P2RX4: variants seen among roughly 807,000 people sequenced by gnomAD.
P2RX4 encodes P2X purinoceptor 4.
A neutral mutation model predicts 48.0 loss-of-function variants in P2RX4; 37 were observed. The ratio of observed to expected loss-of-function variants is 0.77; its 90% CI spans 0.59 to 1.01. The LOEUF (loss-of-function observed/expected upper bound fraction) is 1.01, where lower values mean the gene tolerates loss of function less well. Among genes scored for constraint, P2RX4 ranks in the 50% least tolerant of loss-of-function variants. The pLI is 0.00. For missense variants in P2RX4, 501 were observed against 521.4 expected (o/e 0.96, Z 0.38); for synonymous variants, 200 against 199.7 (o/e 1.00, Z -0.01).
At chr12:121,231,813 G>A (rs952521368) in intron 8 of P2RX4, among the ~76,000 whole-genome samples, 1 of 151,976 alleles carries the variant, frequency 6.6e-6, no homozygotes, top group African/African-American at 2.4e-5. Context: ...AGACCATCAT[G>A]GCCAACTTGG....
At chr12:121,212,824 A>ATATATATATTTTTTTTTTT (rs370835501) in intron 1 of P2RX4, 1 of 32,252 alleles carries the variant, frequency 3.1e-5, no homozygotes. Context: ...ATATATATAT[A>ATATATATATTTTTTTTTTT]TTTTTTTTTT....
chr12:121,214,970 G>A (rs763305533), intron 1 of P2RX4: 1 of 152,152 alleles, frequency 6.6e-6, no homozygotes, highest in Non-Finnish European at 1.5e-5. Flanking sequence ...ATTTTTAGTA[G>A]AGTCGGGGTT....
At chr12:121,212,084 C>T (rs891577755) in intron 1 of P2RX4, among the ~76,000 whole-genome samples, 1 of 152,210 alleles carries the variant, frequency 6.6e-6, no homozygotes, top group African/African-American at 2.4e-5. Flanking sequence ...CCAAGTTTAC[C>T]TGATCATGGA....
At chr12:121,213,409 A>G (rs758322289) in intron 1 of P2RX4, 40 of 152,242 alleles carry the variant, frequency 2.6e-4, no homozygotes, top group Admixed American at 2.2e-3. Context: ...TGGGCAACAG[A>G]GCAAGACACT....
rs1319109356 is a variant in P2RX4 at position 121,210,292 on chromosome 12, T to C, written c.128T>C (p.Val43Ala). ...GTGCAACTGCTCATCCTGGCCTACG[T>C]CATCGGGTGAGCGTGGGGCCGCGCG... ...RAVQLLILAYVIGWVFVWEKG... is the reference protein window; with the variant it reads ...RAVQLLILAYAIGWVFVWEKG... Residue 43 changes from valine (V) to alanine (A), a missense_variant, in exon 1 of 12, where the codon GTC (valine) becomes GCC (alanine). By Grantham distance (64) the Val-to-Ala change is moderately conservative. Around this residue, in one of 3 missense-constraint regions of P2RX4, gnomAD observed 295 missense variants for 275.3 expected, o/e 1.07. Coordinates refer to ENST00000337233, the MANE Select transcript of P2RX4 (RefSeq NM_002560.3). 2 of 1,543,868 alleles carry C rather than the reference T, an allele frequency of 1.3e-6. No individual in the cohort carries two copies. The highest frequency in any genetic ancestry group is 1.7e-6 in the Non-Finnish European group (2 of 1,149,682).
In P2RX4 at chr12:121,230,680, G is replaced by A. The variant is rs192345364; in HGVS notation, c.884+1581G>A. On this transcript the variant is annotated intron_variant, in intron 8 of 11. Coordinates refer to ENST00000337233, the MANE Select transcript of P2RX4 (RefSeq NM_002560.3). ...CCCTAAAACGGAAAGAACTCAGGAC[G>A]CCTATCCCCCAACCTCGGGCAGCAC... Among the ~76,000 whole-genome samples the A allele has an allele frequency of 1.3e-3, 202 of 152,298 alleles. 1 individual carries two copies. The highest frequency in any genetic ancestry group is 4.5e-3 in the African/African-American group (187 of 41,568).
rs1241179205 is a variant in P2RX4, at chr12:121,233,561, C to T, written c.*12C>T. ...AGCTGGACCAGTGAGGCCTACCCCA[C>T]ACCTGGGCTCTCCACAGCCCCATCA... On this transcript the variant is annotated 3_prime_UTR_variant, in exon 12 of 12. Coordinates refer to ENST00000337233, the MANE Select transcript of P2RX4 (RefSeq NM_002560.3). 2 of 1,607,700 alleles carry T rather than the reference C, an allele frequency of 1.2e-6. No homozygotes were observed. Among genetic ancestry groups the T allele is most frequent in the East Asian group, 2.2e-5 (1 of 44,800 alleles).
In P2RX4 at chr12:121,232,568, G is replaced by GC. The variant is rs748434814; in HGVS notation, c.979-39dup. On this transcript the variant is annotated intron_variant, in intron 9 of 11. Transcript: ENST00000337233. The surrounding 1 kb of genome is among the most constrained non-coding windows in gnomAD (Gnocchi z 4.3). The stretch of plus-strand genomic sequence containing the variant: ...CTGCAGGGACAAGGGGCCTCTCCCT[G>GC]CCCCTGCAGAAACACTTTTTTTCTT... The GC allele has an allele frequency of 6.2e-7, 1 of 1,608,514 alleles. No homozygotes were observed. Among genetic ancestry groups the GC allele is most frequent in the Non-Finnish European group, 8.5e-7 (1 of 1,174,882 alleles).
rs772223164 is a variant in P2RX4 at position 121,222,080 on chromosome 12, C to G, written c.355-14C>G. On this transcript the variant is annotated splice_polypyrimidine_tract_variant and intron_variant, in intron 3 of 11. Transcript: ENST00000337233. ...GGGCCACGTGGACTTTCTTTTCGCTCCTTCTTTTTCCAGATTCCAGATGCG... is the reference window on the plus strand; with the variant it reads ...GGGCCACGTGGACTTTCTTTTCGCTGCTTCTTTTTCCAGATTCCAGATGCG... 1 of 1,612,866 alleles carries G rather than the reference C, an allele frequency of 6.2e-7. No individual in the cohort carries two copies. Among genetic ancestry groups the G allele is most frequent in the Admixed American group, 1.7e-5 (1 of 60,010 alleles).
intron 2 of P2RX4, among the ~76,000 whole-genome samples, chr12:121,218,779 G>A (rs1038190173): frequency 1.3e-5 from 2 of 152,184 alleles, no homozygotes; most frequent in Non-Finnish European, 2.9e-5. Context: ...CGACGTCTGT[G>A]TTCTTTGTAG....
At chr12:121,215,945 A>G (rs141328696) in intron 1 of P2RX4, 39 of 152,344 alleles carry the variant, frequency 2.6e-4, no homozygotes, top group African/African-American at 9.4e-4. Context: ...ACTACTCTTA[A>G]AAGTTCCTTA....
At chr12:121,214,474 G>A (rs930187) in intron 1 of P2RX4, 53,399 of 151,700 alleles carry the variant, frequency 0.35, 9,652 homozygotes, top group South Asian at 0.4. Flanking sequence ...GACCGAACAC[G>A]CAATTCTCAT....
chr12:121,225,034 T>C (rs539070350), intron 5 of P2RX4, among the ~76,000 whole-genome samples: 1 of 151,912 alleles, frequency 6.6e-6, no homozygotes, highest in Non-Finnish European at 1.5e-5. Flanking sequence ...CGAAAGGAGA[T>C]GGGCTGTCCA....
chr12:121,211,748 C>T (rs1416284151), intron 1 of P2RX4, among the ~76,000 whole-genome samples: 3 of 151,984 alleles, frequency 2.0e-5, no homozygotes, highest in East Asian at 3.9e-4. Flanking sequence ...AATCTTGGCT[C>T]GCTGCAACCT....
In P2RX4 at chr12:121,232,838, A is replaced by T. The variant is rs916278013; in HGVS notation, c.1045-159A>T. On this transcript the variant is annotated intron_variant, in intron 10 of 11. Transcript: ENST00000337233. The surrounding 1 kb of genome is among the most constrained non-coding windows in gnomAD (Gnocchi z 4.3). ...GCCCTCCTCCCACCTTCCCTTCTCC[A>T]AGACCACCCCCCTCAGGTCCCAGCC... is the stretch of plus-strand genomic sequence containing the variant. 1.2e-6 allele frequency: 1 copy of T among 860,486 alleles called. No individual in the cohort carries two copies. Among genetic ancestry groups the T allele is most frequent in the Non-Finnish European group, 2.0e-6 (1 of 507,534 alleles). The allele number at this position is 860,486 out of a possible 1,614,324, so 53.3% of individuals were successfully genotyped here. A position where few individuals can be genotyped will look rare whatever the true frequency, so the allele number is the denominator to read the frequency against.
At chr12:121,216,090 T>TA (rs1479867711) in intron 1 of P2RX4, 1 of 152,224 alleles carries the variant, frequency 6.6e-6, no homozygotes, top group Admixed American at 6.5e-5. Flanking sequence ...GCTGATGAGC[T>TA]AAAAAACAAA....
In P2RX4 at chr12:121,232,752, G is replaced by A. The variant is rs1375261378; in HGVS notation, c.1044+76G>A. On this transcript the variant is annotated intron_variant, in intron 10 of 11. Transcript: ENST00000337233. The surrounding 1 kb of genome is among the most constrained non-coding windows in gnomAD (Gnocchi z 4.3). The stretch of plus-strand genomic sequence containing the variant: ...GCTGGGGTCCTGGTCCTGGCCCTAG[G>A]CCCTAGACCTCAGATGTGTTTCTAA... 8 of 1,241,836 alleles carry A rather than the reference G, an allele frequency of 6.4e-6. No homozygotes were observed. The highest frequency in any genetic ancestry group is 1.7e-5 in the Admixed American group (1 of 59,104). 76.9% of individuals were successfully genotyped at this position (1,241,836 alleles called of 1,614,324 possible). A position where few individuals can be genotyped will look rare whatever the true frequency, so the allele number is the denominator to read the frequency against.
In P2RX4 at chr12:121,229,131, T is replaced by G; in HGVS notation, c.884+32T>G. On this transcript the variant is annotated intron_variant, in intron 8 of 11. Transcript: ENST00000337233. The surrounding 1 kb of genome is among the most constrained non-coding windows in gnomAD (Gnocchi z 4.6). Reference sequence around the variant, plus strand: ...GTGAGCTTGGGCCCCTCGCTCATGTTGTAGGGGGTGCTGGTGGCTGCGTAC... The same window carrying G: ...GTGAGCTTGGGCCCCTCGCTCATGTGGTAGGGGGTGCTGGTGGCTGCGTAC... 1 of 1,613,658 alleles carries G rather than the reference T, an allele frequency of 6.2e-7. No individual in the cohort carries two copies. Among genetic ancestry groups the G allele is most frequent in the Non-Finnish European group, 8.5e-7 (1 of 1,179,814 alleles).
At chr12:121,222,070 T>C (rs201820860) in intron 3 of P2RX4, 24 bp from the exon 4 acceptor site, 7 of 1,611,722 alleles carry the variant, frequency 4.3e-6, no homozygotes, top group Non-Finnish European at 5.9e-6. Flanking sequence ...ACGTGGACTT[T>C]CTTTTCGCTC....
Sources: allele counts gnomAD v4.1 joint callset (sites outside exome capture counted in the v4.1 genomes callset), GRCh38; gene constraint gnomAD v4.1.1; regional missense constraint gnomAD v4.1.1; non-coding constraint Gnocchi (gnomAD v3.1); transcripts MANE v1.5; gene names NCBI Gene and HGNC (gene_info 2026-07-23, HGNC 2026-07-21).